The following PDGFD variants were observed in gnomAD, a reference collection of about 807,000 sequenced individuals.
The protein encoded by PDGFD is platelet derived growth factor D.
Under a neutral mutation model 44.7 loss-of-function variants are expected in PDGFD, and 30 were observed. That is an observed-to-expected ratio of 0.67 (90% CI 0.50 to 0.91). PDGFD has a LOEUF of 0.91. PDGFD is among the 40% of genes least tolerant of loss of function. The pLI, the probability that PDGFD is intolerant of heterozygous loss-of-function variation, is 0.00. For missense variants in PDGFD, 445 were observed against 457.8 expected (o/e 0.97, Z 0.25); for synonymous variants, 173 against 168.4 (o/e 1.03, Z -0.21).
intron 1 of PDGFD, among the ~76,000 whole-genome samples, chr11:104,076,637 C>T (rs1860963343): frequency 6.6e-6 from 1 of 152,160 alleles, no homozygotes; most frequent in Non-Finnish European, 1.5e-5. Flanking sequence ...GGCTCACATC[C>T]AGTAACTGTG....
intron 3 of PDGFD, among the ~76,000 whole-genome samples, chr11:103,974,163 A>G (rs1243466358): frequency 6.6e-6 from 1 of 152,192 alleles, no homozygotes; most frequent in Non-Finnish European, 1.5e-5. Flanking sequence ...TTAGAGAGGC[A>G]ACAAAGGAGT....
intron 6 of PDGFD, among the ~76,000 whole-genome samples, chr11:103,915,359 A>G (rs534904439): frequency 2.6e-5 from 4 of 152,314 alleles, no homozygotes; most frequent in African/African-American, 9.6e-5. Context: ...TGCTACAAAG[A>G]GAATAAAATA....
intron 1 of PDGFD, among the ~76,000 whole-genome samples, chr11:104,101,129 G>A (rs1365210251): frequency 6.6e-6 from 1 of 152,086 alleles, no homozygotes; most frequent in African/African-American, 2.4e-5. Flanking sequence ...AGGAAATAAA[G>A]GGTATTCAAT....
intron 1 of PDGFD, among the ~76,000 whole-genome samples, chr11:104,137,553 T>G (rs975222925): frequency 1.3e-5 from 2 of 151,904 alleles, no homozygotes; most frequent in African/African-American, 4.8e-5. Flanking sequence ...AAGTACTGAG[T>G]CTCTTTAGTA....
intron 1 of PDGFD, among the ~76,000 whole-genome samples, chr11:104,115,896 T>C (rs1264652164): frequency 6.6e-6 from 1 of 152,086 alleles, no homozygotes; most frequent in Non-Finnish European, 1.5e-5. Context: ...TGGTTTTTTT[T>C]CTTGCTAATT....
At chr11:104,062,184 C>T (rs1860727704) in intron 1 of PDGFD, among the ~76,000 whole-genome samples, 1 of 152,204 alleles carries the variant, frequency 6.6e-6, no homozygotes. Flanking sequence ...CCATCTGCAA[C>T]AGTGAACATC....
At chr11:103,981,853 C>T (rs751855435) in intron 3 of PDGFD, among the ~76,000 whole-genome samples, 1 of 151,718 alleles carries the variant, frequency 6.6e-6, no homozygotes, top group Non-Finnish European at 1.5e-5. Flanking sequence ...TGAGGAAGGC[C>T]AGCTCAGCAG....
At chr11:103,915,025 G>A (rs1858096647) in intron 6 of PDGFD, among the ~76,000 whole-genome samples, 1 of 152,272 alleles carries the variant, frequency 6.6e-6, no homozygotes, top group South Asian at 2.1e-4. Flanking sequence ...CATTCCCTTT[G>A]AGAACTGGCA....
At chr11:104,004,696 A>T (rs1347358829) in intron 1 of PDGFD, among the ~76,000 whole-genome samples, 4 of 152,122 alleles carry the variant, frequency 2.6e-5, no homozygotes, top group Non-Finnish European at 4.4e-5. Context: ...ACCTGAACAA[A>T]CAAAATATGC....
intron 1 of PDGFD, among the ~76,000 whole-genome samples, chr11:104,153,116 C>T (rs1415839260): frequency 6.6e-6 from 1 of 152,104 alleles, no homozygotes; most frequent in African/African-American, 2.4e-5. Flanking sequence ...CTTATCTGCT[C>T]TTCCTGTGTT....
At chr11:103,976,405 T>C (rs1183756194) in intron 3 of PDGFD, among the ~76,000 whole-genome samples, 2 of 152,192 alleles carry the variant, frequency 1.3e-5, no homozygotes, top group Non-Finnish European at 2.9e-5. Flanking sequence ...CTGAAGTTGC[T>C]TATCAGCTTC....
At chr11:104,163,757 G>C (rs1457327755) in intron 1 of PDGFD, 47 bp downstream of exon 1, 6 of 1,494,402 alleles carry the variant, frequency 4.0e-6, no homozygotes, top group Admixed American at 4.1e-5. Context: ...AATAACAATA[G>C]CAAACATGAT....
intron 1 of PDGFD, among the ~76,000 whole-genome samples, chr11:104,060,741 C>A (rs762942691): frequency 6.6e-6 from 1 of 152,086 alleles, no homozygotes; most frequent in Admixed American, 6.5e-5. Context: ...TGCTTCTGTG[C>A]GTGTATTTTT....
intron 3 of PDGFD, among the ~76,000 whole-genome samples, chr11:103,978,813 A>G (rs1859220157): frequency 6.6e-6 from 1 of 152,112 alleles, no homozygotes; most frequent in Non-Finnish European, 1.5e-5. Context: ...GTCTAGTGAA[A>G]AAACATAAAT....
chr11:104,036,253 A>G lies in PDGFD; in HGVS notation c.125-35998T>C, dbSNP rs145584651. 5.8e-3 allele frequency among the ~76,000 whole-genome samples: 878 copies of G among 152,146 alleles called. 7 individuals are homozygous for G. The highest frequency in any genetic ancestry group is 0.02 in the African/African-American group (816 of 41,474). On this transcript the variant is annotated intron_variant, in intron 1 of 6. Coordinates refer to ENST00000393158, the MANE Select transcript of PDGFD (RefSeq NM_025208.5). ...CCAGGAGTTGGAGGCCAGCCCGGAC[A>G]ACACAGTGAGACCCCAAATCTATTA...
At chr11:104,115,868 A>G (rs910923880) in intron 1 of PDGFD, among the ~76,000 whole-genome samples, 1 of 151,674 alleles carries the variant, frequency 6.6e-6, no homozygotes, top group Non-Finnish European at 1.5e-5. Context: ...TCCTTAGCCC[A>G]CTTTTTGATG....
At chr11:104,053,960 C>A (rs1170125506) in intron 1 of PDGFD, among the ~76,000 whole-genome samples, 1 of 152,130 alleles carries the variant, frequency 6.6e-6, no homozygotes, top group East Asian at 1.9e-4. Flanking sequence ...GTAGAAGATT[C>A]ATGACATATA....
chr11:104,141,621 A>G (rs1243138074), intron 1 of PDGFD, among the ~76,000 whole-genome samples: 1 of 152,154 alleles, frequency 6.6e-6, no homozygotes, highest in African/African-American at 2.4e-5. Flanking sequence ...GGCTGAGTTC[A>G]AGGTCTTGTG....
chr11:103,953,262 G>T (rs951213345), intron 3 of PDGFD, among the ~76,000 whole-genome samples: 19 of 150,910 alleles, frequency 1.3e-4, no homozygotes, highest in African/African-American at 4.6e-4. Context: ...AAAACCATAA[G>T]GACAAGCTAG....
Sources: gnomAD v4.1 joint callset for allele counts (sites outside exome capture counted in the v4.1 genomes callset) on GRCh38, gnomAD v4.1.1 for gene constraint, MANE v1.5 for transcripts, NCBI Gene and HGNC (gene_info 2026-07-23, HGNC 2026-07-21) for gene names.